The following CARMIL1 variants were observed in gnomAD, a reference collection of about 807,000 sequenced individuals.
The protein encoded by CARMIL1 is capping protein regulator and myosin 1 linker 1, also known as F-actin-uncapping protein LRRC16A.
In CARMIL1, 90 loss-of-function variants were observed where a neutral mutation model predicts 177.1. The observed-to-expected ratio is 0.51, with a 90% confidence interval of 0.43 to 0.61. The LOEUF is 0.61. CARMIL1 is among the 20% of genes least tolerant of loss of function. The probability of loss-of-function intolerance (pLI) is 0.00; values close to 1 mark genes in which losing one functional copy is unlikely to be tolerated. For synonymous variants in CARMIL1, 577 were observed against 606.2 expected (o/e 0.95, Z 0.71); for missense variants, 1,380 against 1,667.0 (o/e 0.83, Z 3.00).
At chr6:25,333,847 G>C (rs1785941305) in intron 2 of CARMIL1, among the ~76,000 whole-genome samples, 1 of 152,168 alleles carries the variant, frequency 6.6e-6, no homozygotes, top group African/African-American at 2.4e-5. Context: ...TTGTTAAGGA[G>C]ACAAAAGCCT....
chr6:25,443,348 A>T (rs914914076), intron 5 of CARMIL1, among the ~76,000 whole-genome samples: 1 of 152,236 alleles, frequency 6.6e-6, no homozygotes. Flanking sequence ...TTTTAATTAT[A>T]ATGTCTTCTC....
intron 33 of CARMIL1, 69 bp from the exon 34 acceptor site, chr6:25,604,743 G>GC: frequency 8.2e-7 from 1 of 1,215,400 alleles, no homozygotes. Flanking sequence ...TTTATTATCT[G>GC]CATTGTTTTT....
At chr6:25,431,418 G>C (rs985591094) in intron 4 of CARMIL1, among the ~76,000 whole-genome samples, 9 of 152,038 alleles carry the variant, frequency 5.9e-5, no homozygotes, top group African/African-American at 1.9e-4. Context: ...TATTTTATGT[G>C]TTTATCATTT....
chr6:25,300,948 G>A (rs139612911), intron 2 of CARMIL1, among the ~76,000 whole-genome samples: 41 of 152,330 alleles, frequency 2.7e-4, no homozygotes, highest in African/African-American at 9.4e-4. Context: ...TTAGGAAAAT[G>A]ACTTTTACCA....
In CARMIL1 at chr6:25,472,517, T is replaced by A. The variant is rs779463975; in HGVS notation, c.870T>A (p.Asp290Glu). The A allele has an allele frequency of 1.4e-4, 224 of 1,570,314 alleles. No homozygotes were observed. Among genetic ancestry groups the A allele is most frequent in the Non-Finnish European group, 1.9e-4 (214 of 1,156,402 alleles). Residue 290 changes from aspartate to glutamate, a missense_variant, in exon 11 of 37, where the codon GAT becomes GAA. By Grantham distance (45) the Asp-to-Glu change is conservative. Coordinates refer to ENST00000329474, the MANE Select transcript of CARMIL1 (RefSeq NM_017640.6). ...TINLAGNPLE[D>E]RGVSSLSIQF... ...ACCTTGCTGGCAACCCACTGGAGGA[T>A]AGAGGTACTGCAGAGTTCTCATTAT...
intron 29 of CARMIL1, chr6:25,563,180 A>C (rs1395505705): frequency 7.2e-5 from 70 of 973,758 alleles, no homozygotes; most frequent in Non-Finnish European, 1.8e-5. Flanking sequence ...CTCTAAACTC[A>C]GTCTTACTTT....
Position 25,569,828 on chromosome 6 carries a change from C to A in CARMIL1, c.2743-11096C>A, listed in dbSNP as rs989844997. Among the ~76,000 whole-genome samples the A allele has an allele frequency of 2.6e-5, 4 of 152,070 alleles. No homozygotes were observed. The East Asian group carries it at 7.7e-4, about 29-fold the overall frequency. On this transcript the variant is annotated intron_variant, in intron 29 of 36. Coordinates refer to ENST00000329474, the MANE Select transcript of CARMIL1 (RefSeq NM_017640.6). Reference sequence around the variant, plus strand: ...TTTTAACATGGATTTTCCAAGATTGCGACTTAAAATACCTCAAGTTTAATA... The same window carrying A: ...TTTTAACATGGATTTTCCAAGATTGAGACTTAAAATACCTCAAGTTTAATA...
chr6:25,440,889 G>A (rs1044690442), intron 5 of CARMIL1, among the ~76,000 whole-genome samples: 4 of 152,062 alleles, frequency 2.6e-5, no homozygotes, highest in Middle Eastern at 3.4e-3. Context: ...ACCTCTGGTG[G>A]TGACTGATGA....
intron 24 of CARMIL1, among the ~76,000 whole-genome samples, chr6:25,531,274 G>T (rs1807739014): frequency 6.6e-6 from 1 of 152,068 alleles, no homozygotes; most frequent in Non-Finnish European, 1.5e-5. Flanking sequence ...ATGTTGAATG[G>T]TTTGCATTAT....
At chr6:25,294,026 G>A (rs564089191) in intron 2 of CARMIL1, among the ~76,000 whole-genome samples, 9 of 152,160 alleles carry the variant, frequency 5.9e-5, no homozygotes, top group Non-Finnish European at 1.0e-4. Flanking sequence ...CCAACCCAAG[G>A]TTTTTCTTTT....
intron 17 of CARMIL1, among the ~76,000 whole-genome samples, chr6:25,505,143 C>G (rs1363158468): frequency 6.6e-6 from 1 of 152,210 alleles, no homozygotes; most frequent in African/African-American, 2.4e-5. Flanking sequence ...TTACATCTTT[C>G]AAGAAGGATT....
At position 25,390,585 on chromosome 6, in the gene CARMIL1, G is replaced by A. The variant is rs144824351; in HGVS notation, c.139-29529G>A. On this transcript the variant is annotated intron_variant, in intron 2 of 36. Coordinates refer to ENST00000329474, the MANE Select transcript of CARMIL1 (RefSeq NM_017640.6). Reference sequence around the variant, plus strand: ...AATCTGCCTGCCTCAGCCTCCCAAAGTGGTGGGATTACAAGCATGAGCCAC... The same window carrying A: ...AATCTGCCTGCCTCAGCCTCCCAAAATGGTGGGATTACAAGCATGAGCCAC... Among the ~76,000 whole-genome samples the A allele has an allele frequency of 3.5e-3, 534 of 151,692 alleles. 4 individuals carry two copies. The highest frequency in any genetic ancestry group is 0.013 in the African/African-American group (516 of 41,124).
Position 25,558,966 on chromosome 6 carries a change from C to A in CARMIL1, c.2742+2116C>A, listed in dbSNP as rs1810875879. 1.3e-5 allele frequency among the ~76,000 whole-genome samples: 2 copies of A among 152,124 alleles called. No individual in the cohort carries two copies. The highest frequency in any genetic ancestry group is 4.8e-5 in the African/African-American group (2 of 41,426). ...TAATAAGTTGTTAAGTAGTAGAAAA[C>A]CAGAGTTAAATTTGCTGTTAGTGTA... On this transcript the variant is annotated intron_variant, in intron 29 of 36. Transcript: ENST00000329474. This position sits in a 1 kb window ranked among gnomAD's most constrained non-coding sequence, Gnocchi z 4.1.
At chr6:25,382,183 C>T (rs529051374) in intron 2 of CARMIL1, among the ~76,000 whole-genome samples, 8 of 152,194 alleles carry the variant, frequency 5.3e-5, no homozygotes, top group South Asian at 2.1e-4. Context: ...TTGCAACCTC[C>T]GCCTTTCTGG....
chr6:25,559,099 A>T (rs993383515), intron 29 of CARMIL1, among the ~76,000 whole-genome samples: 1 of 152,174 alleles, frequency 6.6e-6, no homozygotes, highest in Non-Finnish European at 1.5e-5. Context: ...CAAGCCACCC[A>T]AAGATAGAAC....
At chr6:25,427,470 A>G (rs1217681542) in intron 4 of CARMIL1, among the ~76,000 whole-genome samples, 1 of 152,194 alleles carries the variant, frequency 6.6e-6, no homozygotes, top group African/African-American at 2.4e-5. Flanking sequence ...TGTGAGGGAC[A>G]TTTGGGTTGT....
chr6:25,555,551 C>A (rs1810528892), intron 28 of CARMIL1, among the ~76,000 whole-genome samples: 1 of 152,056 alleles, frequency 6.6e-6, no homozygotes, highest in Admixed American at 6.5e-5. Context: ...AGGTGTGTGC[C>A]ACCACACCTG....
chr6:25,432,569 G>A (rs1024676478), intron 4 of CARMIL1, among the ~76,000 whole-genome samples: 1 of 152,184 alleles, frequency 6.6e-6, no homozygotes, highest in African/African-American at 2.4e-5. Context: ...TGGTATTTAA[G>A]TTGAGGCCAG....
intron 2 of CARMIL1, among the ~76,000 whole-genome samples, chr6:25,405,946 A>C (rs1428444300): frequency 6.6e-6 from 1 of 152,210 alleles, no homozygotes; most frequent in Non-Finnish European, 1.5e-5. Context: ...AGGTGGAAAT[A>C]GGGTGAGAAG....
Sources: gnomAD v4.1 joint callset for allele counts (sites outside exome capture counted in the v4.1 genomes callset) on GRCh38, gnomAD v4.1.1 for gene constraint, Gnocchi (gnomAD v3.1) non-coding constraint, MANE v1.5 for transcripts, NCBI Gene and HGNC (gene_info 2026-07-23, HGNC 2026-07-21) for gene names.